The following DMGDH variants were observed in gnomAD, a reference collection of about 807,000 sequenced individuals.
DMGDH encodes dimethylglycine dehydrogenase.
Under a neutral mutation model 95.2 loss-of-function variants are expected in DMGDH, and 76 were observed. The observed-to-expected ratio is 0.80, with a 90% CI of 0.66 to 0.97. DMGDH has a LOEUF of 0.97. Among genes scored for constraint, DMGDH ranks in the 50% least tolerant of loss-of-function variants. The pLI, the probability that DMGDH is intolerant of heterozygous loss-of-function variation, is 0.00. For synonymous variants in DMGDH, 345 were observed against 377.6 expected (o/e 0.91, Z 1.00); for missense variants, 987 against 1,055.0 (o/e 0.94, Z 0.89).
At chr5:79,009,624 T>A (rs754540697) in intron 14 of DMGDH, among the ~76,000 whole-genome samples, 85 of 152,268 alleles carry the variant, frequency 5.6e-4, no homozygotes, top group Non-Finnish European at 9.7e-4. Context: ...CCTCCCAAAG[T>A]GCTGGGATTA....
At position 79,032,838 on chromosome 5, in the gene DMGDH, C is replaced by T; in HGVS notation, c.1366G>A (p.Gly456Ser). Residue 456 changes from glycine (G) to serine (S), a missense_variant and splice_region_variant, in exon 9 of 16, where the codon GGT (glycine) becomes AGT (serine). Transcript: ENST00000255189. ...GCAAACCGTTCTTCTTTAGGATAAC[C>T]AACTGAAAAGGAAAAATTGGTACTT... ...RESYGFNNIVGYPKEERFAGR... is the reference protein window; with the variant it reads ...RESYGFNNIVSYPKEERFAGR... 2 of 1,614,028 alleles carry T rather than the reference C, an allele frequency of 1.2e-6. No individual in the cohort carries two copies. The highest frequency in any genetic ancestry group is 1.1e-5 in the South Asian group (1 of 91,074).
chr5:79,052,553 A>G (rs1754899401), intron 4 of DMGDH, among the ~76,000 whole-genome samples: 1 of 152,242 alleles, frequency 6.6e-6, no homozygotes. Context: ...AATGTCACAC[A>G]GGTGTTTTAT....
chr5:79,065,783 G>A (rs1294795241), intron 1 of DMGDH, among the ~76,000 whole-genome samples: 3 of 152,112 alleles, frequency 2.0e-5, no homozygotes, highest in Non-Finnish European at 4.4e-5. Context: ...CTACAAACAC[G>A]TGAGCAATGT....
At chr5:79,012,544 T>C (rs1318612234) in intron 14 of DMGDH, among the ~76,000 whole-genome samples, 2 of 152,152 alleles carry the variant, frequency 1.3e-5, no homozygotes, top group Non-Finnish European at 2.9e-5. Context: ...CAACCCCACA[T>C]TTCCCCTCTA....
In DMGDH at chr5:79,033,294, T is replaced by G; in HGVS notation, c.1308A>C (p.Thr436=). Residue 436 remains threonine (T), a synonymous_variant, in exon 8 of 16, where the codon ACA becomes ACC. Transcript: ENST00000255189. ...ELDPNRYGKW[T]TTQYTEAKAR... ...CTTTGGCCTCAGTGTACTGGGTTGTTGTCCATTTGCCATAGCGATTAGGAT... is the reference window on the plus strand; with the variant it reads ...CTTTGGCCTCAGTGTACTGGGTTGTGGTCCATTTGCCATAGCGATTAGGAT... 1 of 1,614,184 alleles carries G rather than the reference T, an allele frequency of 6.2e-7. No homozygotes were observed. The highest frequency in any genetic ancestry group is 8.5e-7 in the Non-Finnish European group (1 of 1,180,018).
rs1335028821 is a variant in DMGDH at position 79,044,316 on chromosome 5, C to T, written c.982G>A (p.Gly328Arg). The change falls in exon 6 of 16, where the codon GGA (glycine) becomes AGA (arginine). Residue 328 changes from glycine to arginine, a missense_variant. Gly to Arg is a moderately radical substitution (Grantham distance 125). Transcript: ENST00000255189. ...MKVQDSWVTN[G>R]VPPGFGKELF... ...TTGCTGAACCCACCTGGAGGAACTC[C>T]ATTGGTGACCCAGGAGTCCTGAACT... 6.2e-7 allele frequency: 1 copy of T among 1,614,186 alleles called. No homozygotes were observed. Among genetic ancestry groups the T allele is most frequent in the South Asian group, 1.1e-5 (1 of 91,086 alleles).
At chr5:79,036,108 C>T (rs1245686359) in intron 7 of DMGDH, among the ~76,000 whole-genome samples, 1 of 152,174 alleles carries the variant, frequency 6.6e-6, no homozygotes, top group African/African-American at 2.4e-5. Context: ...CTCCTGTGCA[C>T]ACTTTATGGT....
chr5:79,056,283 T>C (rs1580227164), intron 2 of DMGDH, among the ~76,000 whole-genome samples: 2 of 152,112 alleles, frequency 1.3e-5, no homozygotes, highest in East Asian at 3.9e-4. Flanking sequence ...GAGGCCAAGG[T>C]GGGCAGATCA....
intron 7 of DMGDH, among the ~76,000 whole-genome samples, chr5:79,041,992 C>T (rs1754523318): frequency 1.3e-5 from 2 of 152,046 alleles, no homozygotes; most frequent in Admixed American, 1.3e-4. Flanking sequence ...GAGAGCAAAA[C>T]TCCATCTGAA....
intron 10 of DMGDH, 186 bp downstream of exon 10, chr5:79,030,647 C>CA (rs59687681): frequency 0.029 from 11,229 of 384,056 alleles, 8 homozygotes; most frequent in East Asian, 0.054. Context: ...CTCTGTCTCT[C>CA]AAAAAAAAAA....
At chr5:79,042,139 G>A (rs1392521811) in intron 7 of DMGDH, 144 bp downstream of exon 7, 1 of 789,822 alleles carries the variant, frequency 1.3e-6, no homozygotes, top group Non-Finnish European at 2.1e-6. Context: ...ATGAAAGGGA[G>A]AAAACTCTCT....
rs548633279 is a variant in DMGDH at position 79,002,815 on chromosome 5, A to G, written c.2385+2458T>C. On this transcript the variant is annotated intron_variant, in intron 15 of 15. Coordinates refer to ENST00000255189, the MANE Select transcript of DMGDH (RefSeq NM_013391.3). ...AAGGAGGGCCTCTGAAAAAGGATCA[A>G]AAAGAAGACTATCTGTATGTAAAAT... Among the ~76,000 whole-genome samples, 15 of 152,364 alleles carry G rather than the reference A, an allele frequency of 9.8e-5. No individual in the cohort carries two copies. In the East Asian group the frequency reaches 2.3e-3, roughly 23 times the overall value.
intron 14 of DMGDH, among the ~76,000 whole-genome samples, chr5:79,018,274 G>C (rs1159929744): frequency 6.6e-6 from 1 of 152,090 alleles, no homozygotes; most frequent in East Asian, 1.9e-4. Context: ...CCTGGGTTGA[G>C]GCAACCCTTC....
chr5:79,064,525 T>G (rs1755313740), intron 1 of DMGDH, among the ~76,000 whole-genome samples: 1 of 152,152 alleles, frequency 6.6e-6, no homozygotes, highest in Non-Finnish European at 1.5e-5. Context: ...CACTGTACAT[T>G]TAGGCTACTC....
intron 2 of DMGDH, among the ~76,000 whole-genome samples, chr5:79,057,879 C>T (rs1473748290): frequency 6.6e-6 from 1 of 152,200 alleles, no homozygotes; most frequent in African/African-American, 2.4e-5. Flanking sequence ...CCTCAAGATC[C>T]TGTAAGCTTT....
rs367775131 is a variant in DMGDH, at chr5:79,049,198, G to C, written c.745+2089C>G. ...GCTTCATCTGGTAACTAGTGTTACG[G>C]GTTTAGGTCAGATCTCTTTGGAGAT... On this transcript the variant is annotated intron_variant, in intron 5 of 15. Coordinates refer to ENST00000255189, the MANE Select transcript of DMGDH (RefSeq NM_013391.3). Among the ~76,000 whole-genome samples, 23 of 152,216 alleles carry C rather than the reference G, an allele frequency of 1.5e-4. No homozygotes were observed. In the East Asian group the frequency reaches 4.1e-3, roughly 27 times the overall value.
intron 5 of DMGDH, among the ~76,000 whole-genome samples, chr5:79,048,149 CT>C (rs1554037017): frequency 1.3e-4 from 20 of 150,750 alleles, no homozygotes; most frequent in Middle Eastern, 6.8e-3. Flanking sequence ...ATTATTATAC[CT>C]TTTTTTTTAC....
chr5:79,069,483 G>A, intron 1 of DMGDH, 37 bp downstream of exon 1: 2 of 1,216,820 alleles, frequency 1.6e-6, no homozygotes, highest in Non-Finnish European at 2.1e-6. Context: ...CCCCGCAGCC[G>A]CCCCGTCGCC....
chr5:79,032,809 C>G lies in DMGDH; in HGVS notation c.1395G>C (p.Gly465=), dbSNP rs774921876. ...GCCCACTGACTCGTTGAGTCGGCCTCCCAGCAAACCGTTCTTCTTTAGGAT... is the reference window on the plus strand; with the variant it reads ...GCCCACTGACTCGTTGAGTCGGCCTGCCAGCAAACCGTTCTTCTTTAGGAT... ...VGYPKEERFA[G]RPTQRVSGLY... is the part of the protein sequence containing the mutation. The change falls in exon 9 of 16, where the codon GGG becomes GGC. Residue 465 remains glycine, a synonymous_variant. Transcript: ENST00000255189. 2 of 1,614,028 alleles carry G rather than the reference C, an allele frequency of 1.2e-6. No homozygotes were observed. Among genetic ancestry groups the G allele is most frequent in the Non-Finnish European group, 1.7e-6 (2 of 1,180,038 alleles).
Sources: allele counts gnomAD v4.1 joint callset (sites outside exome capture counted in the v4.1 genomes callset), GRCh38; gene constraint gnomAD v4.1.1; transcripts MANE v1.5; gene names NCBI Gene and HGNC (gene_info 2026-07-23, HGNC 2026-07-21).